FRMPD2: variants seen among roughly 807,000 people sequenced by gnomAD.
FRMPD2 encodes the protein FERM and PDZ domain-containing protein 2.
In FRMPD2, 96 loss-of-function variants were observed where a neutral mutation model predicts 140.1. That is an observed-to-expected ratio of 0.69 (90% confidence interval 0.58 to 0.81). The LOEUF is 0.81. FRMPD2 is among the 40% of genes least tolerant of loss of function. The pLI is 0.00. For synonymous variants in FRMPD2, 449 were observed against 547.6 expected (o/e 0.82, Z 2.52); for missense variants, 1,240 against 1,447.4 (o/e 0.86, Z 2.32).
At chr10:48,214,091 T>G (rs1325545279) in intron 12 of FRMPD2, among the ~76,000 whole-genome samples, 1 of 152,174 alleles carries the variant, frequency 6.6e-6, no homozygotes, top group East Asian at 1.9e-4. Context: ...AAGACTTGTT[T>G]TACCTCCCAC....
At chr10:48,210,688 G>A (rs1001119607) in intron 13 of FRMPD2, among the ~76,000 whole-genome samples, 1 of 152,222 alleles carries the variant, frequency 6.6e-6, no homozygotes, top group Non-Finnish European at 1.5e-5. Flanking sequence ...GGAGTGCCCT[G>A]ATCATGCTTC....
At chr10:48,250,937 C>T (rs908699321) in intron 2 of FRMPD2, among the ~76,000 whole-genome samples, 3 of 150,866 alleles carry the variant, frequency 2.0e-5, no homozygotes, top group African/African-American at 7.4e-5. Context: ...GCTGAGATTA[C>T]AGGCGAGCGC....
chr10:48,265,470 G>A (rs962666308), intron 1 of FRMPD2, among the ~76,000 whole-genome samples: 15 of 152,082 alleles, frequency 9.9e-5, no homozygotes, highest in Non-Finnish European at 1.6e-4. Flanking sequence ...ATATGCATCT[G>A]GCAAAGGTCT....
rs191225582 is a variant in FRMPD2 at position 48,242,413 on chromosome 10, C to A, written c.376-61G>T. 7.9e-4 allele frequency: 1,167 copies of A among 1,481,214 alleles called. 5 individuals carry two copies. Among genetic ancestry groups the A allele is most frequent in the Middle Eastern group, 7.3e-3 (37 of 5,078 alleles). The allele number at this position is 1,481,214 out of a possible 1,614,324, so 91.8% of individuals were successfully genotyped here. A position where few individuals can be genotyped will look rare whatever the true frequency, so the allele number is the denominator to read the frequency against. ...GCCAGAGCTGCCACTACGAGGCCAG[C>A]ACCTTGTCAGGCAGGCCTTGGAGAC... On this transcript the variant is annotated intron_variant, in intron 4 of 28. Transcript: ENST00000374201.
intron 18 of FRMPD2, 46 bp downstream of exon 18, chr10:48,185,507 T>G: frequency 7.5e-7 from 1 of 1,342,026 alleles, no homozygotes; most frequent in African/African-American, 1.4e-5. Context: ...CTCCCCACTT[T>G]GCCCAGCAGT....
intron 1 of FRMPD2, among the ~76,000 whole-genome samples, chr10:48,272,228 C>T (rs1165379344): frequency 2.0e-5 from 3 of 152,134 alleles, no homozygotes; most frequent in Non-Finnish European, 4.4e-5. Flanking sequence ...TCATTTGCAC[C>T]CATGAGTCAT....
chr10:48,214,701 G>T (rs1839406223), intron 12 of FRMPD2, among the ~76,000 whole-genome samples: 2 of 152,152 alleles, frequency 1.3e-5, no homozygotes, highest in African/African-American at 4.8e-5. Flanking sequence ...GACTGAAAAA[G>T]CTCTGCGGTC....
intron 1 of FRMPD2, among the ~76,000 whole-genome samples, chr10:48,270,575 C>T (rs1016451361): frequency 6.6e-6 from 1 of 152,134 alleles, no homozygotes; most frequent in Non-Finnish European, 1.5e-5. Flanking sequence ...AAGTTACCAA[C>T]CATCAGTCCA....
At chr10:48,200,513 A>T (rs1839060933) in intron 15 of FRMPD2, among the ~76,000 whole-genome samples, 1 of 152,200 alleles carries the variant, frequency 6.6e-6, no homozygotes, top group Non-Finnish European at 1.5e-5. Flanking sequence ...TTTTATACCA[A>T]GGTTGTGCCT....
At chr10:48,237,914 TCAGCCACCGTGC>T (rs1840007024) in intron 8 of FRMPD2, 65 bp downstream of exon 8, 1 of 1,559,422 alleles carries the variant, frequency 6.4e-7, no homozygotes, top group East Asian at 2.2e-5. Context: ...CTGCCCATTT[TCAGCCACCGTGC>T]CAGCCACCCA....
intron 1 of FRMPD2, among the ~76,000 whole-genome samples, chr10:48,272,807 C>T (rs186413796): frequency 1.3e-5 from 2 of 152,358 alleles, no homozygotes; most frequent in Non-Finnish European, 2.9e-5. Context: ...AAACTATGAT[C>T]TGATCCAGCA....
At chr10:48,167,866 A>G (rs1483951583) in intron 27 of FRMPD2, among the ~76,000 whole-genome samples, 1 of 150,422 alleles carries the variant, frequency 6.6e-6, no homozygotes, top group African/African-American at 2.5e-5. Context: ...GAAGCCCTTA[A>G]GAGGAAAGAC....
At chr10:48,198,661 C>T (rs1441311909) in intron 15 of FRMPD2, among the ~76,000 whole-genome samples, 1 of 152,096 alleles carries the variant, frequency 6.6e-6, no homozygotes, top group Non-Finnish European at 1.5e-5. Flanking sequence ...CTGTAAATTG[C>T]TTTGGGCAAT....
chr10:48,225,994 G>A (rs979586742), intron 10 of FRMPD2, among the ~76,000 whole-genome samples: 1 of 152,118 alleles, frequency 6.6e-6, no homozygotes, highest in African/African-American at 2.4e-5. Context: ...CTCTTTTGGG[G>A]TTGGTTGTTT....
At chr10:48,198,625 G>C (rs1839007475) in intron 15 of FRMPD2, among the ~76,000 whole-genome samples, 1 of 152,140 alleles carries the variant, frequency 6.6e-6, no homozygotes, top group South Asian at 2.1e-4. Context: ...AATGACATTG[G>C]TAGTTTGATA....
rs150047059 is a variant in FRMPD2 at position 48,188,775 on chromosome 10, C to T, written c.2166-1483G>A. On this transcript the variant is annotated intron_variant, in intron 16 of 28. Transcript: ENST00000374201. ...CTTTTCTGGGCCTGGGTTTTTATGA[C>T]CCATGTGATCTGGGCCACACATGCA... 1.7e-3 allele frequency among the ~76,000 whole-genome samples: 260 copies of T among 152,314 alleles called. 6 individuals carry two copies. Among genetic ancestry groups the T allele is most frequent in the Admixed American group, 8.2e-3 (125 of 15,290 alleles).
intron 27 of FRMPD2, among the ~76,000 whole-genome samples, chr10:48,164,651 C>T (rs1485023759): frequency 2.0e-5 from 3 of 150,972 alleles, no homozygotes; most frequent in South Asian, 4.2e-4. Context: ...AAATCATAAA[C>T]ATTTACTACT....
At chr10:48,200,180 AT>A (rs1179590938) in intron 15 of FRMPD2, among the ~76,000 whole-genome samples, 6 of 148,756 alleles carry the variant, frequency 4.0e-5, no homozygotes, top group Non-Finnish European at 9.0e-5. Flanking sequence ...AAATAAATAA[AT>A]AAATAAATAA....
At chr10:48,206,128 C>A (rs79961226) in intron 14 of FRMPD2, among the ~76,000 whole-genome samples, 2,212 of 152,258 alleles carry the variant, frequency 0.015, 53 homozygotes, top group African/African-American at 0.048. Flanking sequence ...GAGTGACTCA[C>A]TTCAGGAGGC....
Sources: gnomAD v4.1 joint callset for allele counts (sites outside exome capture counted in the v4.1 genomes callset) on GRCh38, gnomAD v4.1.1 for gene constraint, MANE v1.5 for transcripts, NCBI Gene and HGNC (gene_info 2026-07-23, HGNC 2026-07-21) for gene names.